EHD4: variants seen among roughly 807,000 people sequenced by gnomAD.
The protein encoded by EHD4 is EH domain-containing protein 4.
A neutral mutation model predicts 51.0 loss-of-function variants in EHD4; 37 were observed. That is an observed-to-expected ratio of 0.73 (90% CI 0.56 to 0.95). The LOEUF is 0.95. Among genes scored for constraint, EHD4 ranks in the 40% least tolerant of loss-of-function variants. EHD4 has a pLI of 0.00. For synonymous variants in EHD4, 297 were observed against 317.3 expected, an observed-to-expected ratio of 0.94 and a Z score of 0.68; for missense variants, 632 against 733.1, an observed-to-expected ratio of 0.86 and a Z score of 1.59.
At chr15:41,949,143 G>A (rs567417237) in intron 2 of EHD4, among the ~76,000 whole-genome samples, 2 of 150,798 alleles carry the variant, frequency 1.3e-5, no homozygotes, top group Admixed American at 1.3e-4. Context: ...GCCGAGGCAG[G>A]TGGATCACCT....
intron 1 of EHD4, among the ~76,000 whole-genome samples, chr15:41,956,300 C>T (rs928385981): frequency 6.6e-6 from 1 of 151,304 alleles, no homozygotes; most frequent in African/African-American, 2.4e-5. Flanking sequence ...CTTCTCGGCA[C>T]CTTCACCAAG....
In EHD4 at chr15:41,897,260, T is replaced by A. The variant is rs1297786253; in HGVS notation, c.*3385A>T. Reference sequence around the variant, plus strand: ...AAACAGTGAAACACTTTCCTCATCTTCAAGGCAATTGTCTCAGGCATCCTC... The same window carrying A: ...AAACAGTGAAACACTTTCCTCATCTACAAGGCAATTGTCTCAGGCATCCTC... On this transcript the variant is annotated 3_prime_UTR_variant, in exon 6 of 6. Transcript: ENST00000220325. The A allele has an allele frequency of 1.3e-5, 2 of 152,210 alleles. No individual in the cohort carries two copies. The highest frequency in any genetic ancestry group is 4.8e-5 in the African/African-American group (2 of 41,440). The allele number at this position is 152,210 out of a possible 1,614,324, so 9.4% of individuals were successfully genotyped here.
At chr15:41,930,775 T>C (rs1258479451) in intron 3 of EHD4, among the ~76,000 whole-genome samples, 1 of 152,114 alleles carries the variant, frequency 6.6e-6, no homozygotes, top group Non-Finnish European at 1.5e-5. Flanking sequence ...ATGTCACAGA[T>C]GGAAAGAAAG....
At chr15:41,901,357 T>C (rs1437607897) in intron 5 of EHD4, among the ~76,000 whole-genome samples, 176 bp from the exon 6 acceptor site, 1 of 152,234 alleles carries the variant, frequency 6.6e-6, no homozygotes, top group Non-Finnish European at 1.5e-5. Flanking sequence ...GTGGTTGTTT[T>C]GGAACAAGAA....
chr15:41,934,167 T>C (rs2067717109), intron 3 of EHD4, among the ~76,000 whole-genome samples: 2 of 152,070 alleles, frequency 1.3e-5, no homozygotes, highest in African/African-American at 4.8e-5. Context: ...TCACTTGTTT[T>C]GGGGATGGCA....
intron 5 of EHD4, among the ~76,000 whole-genome samples, chr15:41,903,244 C>T (rs1307677768): frequency 4.8e-5 from 7 of 145,236 alleles, no homozygotes; most frequent in Admixed American, 2.1e-4. Context: ...AGTCAGACCT[C>T]GCTGTTTTGG....
rs1188924809 is a variant in EHD4 at position 41,945,563 on chromosome 15, G to A, written c.414-2399C>T. 2.6e-5 allele frequency among the ~76,000 whole-genome samples: 4 copies of A among 152,222 alleles called. No individual in the cohort carries two copies. The East Asian group carries it at 7.7e-4, about 29-fold the overall frequency. The stretch of plus-strand genomic sequence containing the variant: ...CTCAAGAGTGGGCAGCTGGGGTTTT[G>A]GGTGCACAGCTGGACTCTGCTCCCT... On this transcript the variant is annotated intron_variant, in intron 2 of 5. Coordinates refer to ENST00000220325, the MANE Select transcript of EHD4 (RefSeq NM_139265.4).
intron 3 of EHD4, among the ~76,000 whole-genome samples, chr15:41,927,858 G>A (rs192577289): frequency 8.3e-4 from 126 of 152,220 alleles, no homozygotes; most frequent in African/African-American, 2.7e-3. Context: ...TCTTATCACA[G>A]TAAAATACAG....
intron 4 of EHD4, among the ~76,000 whole-genome samples, chr15:41,914,648 C>T (rs996180572): frequency 2.6e-5 from 4 of 152,138 alleles, no homozygotes; most frequent in African/African-American, 9.7e-5. Flanking sequence ...CTCAGGGCTG[C>T]TGACTGAGTT....
chr15:41,918,637 G>T (rs899963807), intron 4 of EHD4, among the ~76,000 whole-genome samples: 1 of 152,106 alleles, frequency 6.6e-6, no homozygotes, highest in Non-Finnish European at 1.5e-5. Context: ...AGGCATGCAG[G>T]CTAACAGCCC....
chr15:41,908,798 T>C (rs984476897), intron 5 of EHD4: 7 of 152,264 alleles, frequency 4.6e-5, no homozygotes, highest in African/African-American at 1.7e-4. Context: ...TGGAACCTTC[T>C]TCTCTATCAA....
At chr15:41,949,536 T>C (rs543833671) in intron 2 of EHD4, among the ~76,000 whole-genome samples, 26 of 152,128 alleles carry the variant, frequency 1.7e-4, no homozygotes, top group Admixed American at 1.7e-3. Context: ...TGGTTGTTTA[T>C]CATCACCATC....
At chr15:41,962,929 T>G (rs1036709197) in intron 1 of EHD4, among the ~76,000 whole-genome samples, 1 of 152,250 alleles carries the variant, frequency 6.6e-6, no homozygotes, top group Non-Finnish European at 1.5e-5. Context: ...CATAGGAGAC[T>G]GCATTTTGTT....
intron 1 of EHD4, among the ~76,000 whole-genome samples, chr15:41,960,072 T>C (rs1310033219): frequency 6.6e-6 from 1 of 152,048 alleles, no homozygotes; most frequent in African/African-American, 2.4e-5. Flanking sequence ...TCTTACAAGA[T>C]AGGCCAAGAT....
chr15:41,942,817 T>TGTTTAACCCACTC, intron 3 of EHD4: 1 of 343,326 alleles, frequency 2.9e-6, no homozygotes, highest in Non-Finnish European at 5.5e-6. Flanking sequence ...TACCTCCCAT[T>TGTTTAACCCACTC]GTTTACCCCA....
intron 5 of EHD4, among the ~76,000 whole-genome samples, chr15:41,903,453 T>TACAC (rs146543286): frequency 0.061 from 8,847 of 144,382 alleles, 363 homozygotes; most frequent in East Asian, 0.24. Context: ...TTAACATACA[T>TACAC]ACACACACAC....
At chr15:41,923,820 T>G (rs1030417) in intron 3 of EHD4, among the ~76,000 whole-genome samples, 8,375 of 152,292 alleles carry the variant, frequency 0.055, 796 homozygotes, top group African/African-American at 0.19. Flanking sequence ...GAAACAGAAC[T>G]GAAACATGCT....
chr15:41,910,419 G>A (rs1041540022), intron 4 of EHD4, among the ~76,000 whole-genome samples: 1 of 152,190 alleles, frequency 6.6e-6, no homozygotes, highest in African/African-American at 2.4e-5. Context: ...CCTGGGAGAG[G>A]AGCCCAGAAG....
In EHD4 at chr15:41,909,215, G is replaced by A. The variant is rs148573860; in HGVS notation, c.1089+484C>T. ...CCAGCCTTTAAGCACAGTCCTCCCT[G>A]TGCCCACGCAGTCCAGCAGCGTCCG... On this transcript the variant is annotated intron_variant, in intron 5 of 5. Coordinates refer to ENST00000220325, the MANE Select transcript of EHD4 (RefSeq NM_139265.4). Among the ~76,000 whole-genome samples, 998 of 152,334 alleles carry A rather than the reference G, an allele frequency of 6.6e-3. 14 individuals are homozygous for A. Among genetic ancestry groups the A allele is most frequent in the African/African-American group, 0.022 (934 of 41,578 alleles).
Sources: allele counts gnomAD v4.1 joint callset (sites outside exome capture counted in the v4.1 genomes callset), GRCh38; gene constraint gnomAD v4.1.1; transcripts MANE v1.5; gene names NCBI Gene and HGNC (gene_info 2026-07-23, HGNC 2026-07-21).